The following LMBR1 variants were observed in gnomAD, a reference collection of about 807,000 sequenced individuals.
LMBR1 encodes the protein limb development membrane protein 1.
In LMBR1, 52 loss-of-function variants were observed where a neutral mutation model predicts 73.9. The ratio of observed to expected loss-of-function variants is 0.70; its 90% confidence interval spans 0.56 to 0.89. LMBR1 has a LOEUF of 0.89. Among genes scored for constraint, LMBR1 ranks in the 40% least tolerant of loss-of-function variants. The pLI, the probability that LMBR1 is intolerant of heterozygous loss-of-function variation, is 0.00. For missense variants in LMBR1, 539 were observed against 579.8 expected, an observed-to-expected ratio of 0.93 and a Z score of 0.72; for synonymous variants, 215 against 209.4, an observed-to-expected ratio of 1.03 and a Z score of -0.23.
intron 3 of LMBR1, among the ~76,000 whole-genome samples, chr7:156,827,956 A>G (rs1835988218): frequency 6.6e-6 from 1 of 152,220 alleles, no homozygotes; most frequent in Admixed American, 6.5e-5. Flanking sequence ...CTCAATAGAC[A>G]CCGCATTTCC....
chr7:156,852,690 T>C (rs1796397255), intron 1 of LMBR1, among the ~76,000 whole-genome samples: 1 of 152,322 alleles, frequency 6.6e-6, no homozygotes, highest in East Asian at 1.9e-4. Context: ...CATGTTGCAA[T>C]GTCTGGGGAC....
At chr7:156,883,553 A>C (rs1801423142) in intron 1 of LMBR1, among the ~76,000 whole-genome samples, 1 of 152,242 alleles carries the variant, frequency 6.6e-6, no homozygotes, top group Admixed American at 6.5e-5. Flanking sequence ...ATGAAGGAGT[A>C]GGAATCTCCT....
chr7:156,709,352 T>C (rs1563183116), intron 15 of LMBR1, among the ~76,000 whole-genome samples: 1 of 152,032 alleles, frequency 6.6e-6, no homozygotes, highest in South Asian at 2.1e-4. Flanking sequence ...TAACCAGAGG[T>C]CCTGAGTCTG....
intron 5 of LMBR1, among the ~76,000 whole-genome samples, chr7:156,777,607 T>C (rs577269127): frequency 6.6e-6 from 1 of 152,334 alleles, no homozygotes; most frequent in East Asian, 1.9e-4. Context: ...ACAGATATAC[T>C]GCTCAGTTTT....
chr7:156,836,655 A>C (rs1837688731), intron 2 of LMBR1, among the ~76,000 whole-genome samples, 158 bp downstream of exon 2: 1 of 152,202 alleles, frequency 6.6e-6, no homozygotes, highest in South Asian at 2.1e-4. Flanking sequence ...GATTCCCTGG[A>C]GGTTATTTTT....
In LMBR1 at chr7:156,695,688, G is replaced by A. The variant is rs540708619; in HGVS notation, c.1226-7497C>T. On this transcript the variant is annotated intron_variant, in intron 15 of 16. Coordinates refer to ENST00000353442, the MANE Select transcript of LMBR1 (RefSeq NM_022458.4). Reference sequence around the variant, plus strand: ...CCCACCAGACCCCACCTCCAACACTGGGAATCACAACTGAACATGAGATCT... The same window carrying A: ...CCCACCAGACCCCACCTCCAACACTAGGAATCACAACTGAACATGAGATCT... Among the ~76,000 whole-genome samples, 4 of 152,156 alleles carry A rather than the reference G, an allele frequency of 2.6e-5. No individual in the cohort carries two copies. The East Asian group carries it at 7.7e-4, about 29-fold the overall frequency.
At chr7:156,799,153 G>A (rs1444415274) in intron 4 of LMBR1, among the ~76,000 whole-genome samples, 2 of 150,868 alleles carry the variant, frequency 1.3e-5, no homozygotes, top group African/African-American at 4.9e-5. Context: ...AGTGAGCCGA[G>A]ATTGCACCAC....
At chr7:156,714,422 CA>C (rs1378439399) in intron 15 of LMBR1, among the ~76,000 whole-genome samples, 2 of 152,184 alleles carry the variant, frequency 1.3e-5, no homozygotes, top group Non-Finnish European at 1.5e-5. Context: ...GCAATGTGTT[CA>C]AAGGCATAGA....
intron 5 of LMBR1, among the ~76,000 whole-genome samples, chr7:156,782,736 G>T (rs1827369751): frequency 6.6e-6 from 1 of 152,146 alleles, no homozygotes; most frequent in South Asian, 2.1e-4. Context: ...CTAGAGACAG[G>T]GTTTTGCCAT....
chr7:156,778,870 T>C (rs547186378), intron 5 of LMBR1, among the ~76,000 whole-genome samples: 1 of 152,300 alleles, frequency 6.6e-6, no homozygotes, highest in South Asian at 2.1e-4. Flanking sequence ...GCAAAAAATA[T>C]GCCGACTGCT....
intron 15 of LMBR1, among the ~76,000 whole-genome samples, chr7:156,690,108 T>G (rs1806857370): frequency 6.6e-6 from 1 of 152,222 alleles, no homozygotes; most frequent in Non-Finnish European, 1.5e-5. Flanking sequence ...AATCAAACCC[T>G]TGCCCAGATG....
At chr7:156,672,745 C>T (rs1010208767) in intron 4 of LMBR1, among the ~76,000 whole-genome samples, 2 of 152,196 alleles carry the variant, frequency 1.3e-5, no homozygotes, top group African/African-American at 4.8e-5. Flanking sequence ...ATATGTGGCC[C>T]GCACACTTAC....
At chr7:156,869,738 A>G (rs1318036544) in intron 1 of LMBR1, among the ~76,000 whole-genome samples, 1 of 152,222 alleles carries the variant, frequency 6.6e-6, no homozygotes, top group Non-Finnish European at 1.5e-5. Flanking sequence ...AGATCCAACT[A>G]TATGCTATTA....
chr7:156,790,680 G>A (rs1192917703), intron 5 of LMBR1, among the ~76,000 whole-genome samples: 4 of 151,710 alleles, frequency 2.6e-5, no homozygotes, highest in Non-Finnish European at 5.9e-5. Flanking sequence ...CCATAATTTA[G>A]TGCCCTCCTA....
intron 15 of LMBR1, among the ~76,000 whole-genome samples, chr7:156,718,103 A>C (rs1457065652): frequency 1.3e-5 from 2 of 152,198 alleles, no homozygotes; most frequent in African/African-American, 4.8e-5. Flanking sequence ...ATGTATTATT[A>C]AGAATACTCA....
At chr7:156,821,064 G>T (rs1195510566) in intron 4 of LMBR1, among the ~76,000 whole-genome samples, 1 of 152,204 alleles carries the variant, frequency 6.6e-6, no homozygotes, top group Non-Finnish European at 1.5e-5. Flanking sequence ...GCTGAAACAT[G>T]GACCACCAAG....
rs951214742 is a variant in LMBR1 at position 156,669,463 on chromosome 7, C to T, written n.867-176G>A. Among the ~76,000 whole-genome samples the T allele has an allele frequency of 1.3e-5, 2 of 152,102 alleles. No individual in the cohort carries two copies. The highest frequency in any genetic ancestry group is 2.4e-5 in the African/African-American group (1 of 41,410). ...ACCCAAATGGAGGAACCGTGCCGTT[C>T]CCTGGAACCTCTGTCCAGGCAGAGG... On this transcript the variant is annotated intron_variant and non_coding_transcript_variant, in intron 4 of 4. Coordinates refer to the LMBR1 transcript ENST00000430825. This position sits in a 1 kb window ranked among gnomAD's most constrained non-coding sequence, Gnocchi z 4.2.
chr7:156,776,995 G>C (rs766613386), intron 5 of LMBR1, among the ~76,000 whole-genome samples: 1 of 151,020 alleles, frequency 6.6e-6, no homozygotes, highest in East Asian at 1.9e-4. Context: ...GCAGTGGCAC[G>C]ATCTCGGCTC....
At chr7:156,712,585 C>G (rs1421731356) in intron 15 of LMBR1, among the ~76,000 whole-genome samples, 1 of 152,174 alleles carries the variant, frequency 6.6e-6, no homozygotes, top group Non-Finnish European at 1.5e-5. Context: ...CAGCACTGAT[C>G]ACAATAGCAA....
Sources: gnomAD v4.1 joint callset for allele counts (sites outside exome capture counted in the v4.1 genomes callset) on GRCh38, gnomAD v4.1.1 for gene constraint, Gnocchi (gnomAD v3.1) non-coding constraint, MANE v1.5 for transcripts, NCBI Gene and HGNC (gene_info 2026-07-23, HGNC 2026-07-21) for gene names.